Variants in GRIK2 observed in about 807,000 individuals in gnomAD.
GRIK2 encodes the protein glutamate receptor ionotropic, kainate 2.
Under a neutral mutation model 100.3 loss-of-function variants are expected in GRIK2, and 32 were observed. That is an observed-to-expected ratio of 0.32 (90% CI 0.24 to 0.43). The LOEUF (loss-of-function observed/expected upper bound fraction) is 0.43, where lower values mean the gene tolerates loss of function less well. Ranked by LOEUF, GRIK2 falls within the 20% of genes least tolerant of loss-of-function variation. The pLI is 1.00. For synonymous variants in GRIK2, 417 were observed against 389.4 expected, an observed-to-expected ratio of 1.07 and a Z score of -0.83; for missense variants, 843 against 1,114.9, an observed-to-expected ratio of 0.76 and a Z score of 3.47.
At chr6:101,712,700 T>C (rs1289124499) in intron 7 of GRIK2, among the ~76,000 whole-genome samples, 2 of 151,782 alleles carry the variant, frequency 1.3e-5, no homozygotes, top group Non-Finnish European at 2.9e-5. Flanking sequence ...TTTATCACCA[T>C]TGAGGGATAC....
At chr6:101,782,925 C>T (rs1165386125) in intron 7 of GRIK2, among the ~76,000 whole-genome samples, 2 of 148,000 alleles carry the variant, frequency 1.4e-5, no homozygotes, top group African/African-American at 5.0e-5. Flanking sequence ...GGTGCGATCT[C>T]AGCTCACTGC....
At chr6:101,886,648 T>C (rs1490453115) in intron 11 of GRIK2, among the ~76,000 whole-genome samples, 1 of 151,930 alleles carries the variant, frequency 6.6e-6, no homozygotes, top group Non-Finnish European at 1.5e-5. Flanking sequence ...TTTACCATTT[T>C]TCAAGAATGC....
chr6:101,741,582 G>A (rs777535985), intron 7 of GRIK2, among the ~76,000 whole-genome samples: 1 of 152,180 alleles, frequency 6.6e-6, no homozygotes, highest in South Asian at 2.1e-4. Context: ...CAGTGGAAAC[G>A]TATGGAAAGT....
intron 2 of GRIK2, among the ~76,000 whole-genome samples, chr6:101,576,862 A>G (rs1777814012): frequency 1.3e-5 from 2 of 151,556 alleles, no homozygotes; most frequent in African/African-American, 4.9e-5. Flanking sequence ...CAAGTACTAG[A>G]GAGACACAAA....
intron 10 of GRIK2, among the ~76,000 whole-genome samples, chr6:101,836,666 T>A (rs1365750011): frequency 0.047 from 5,022 of 106,506 alleles, 134 homozygotes; most frequent in East Asian, 0.069. Context: ...TATATATTTT[T>A]TTTTTTTTTT....
intron 15 of GRIK2, among the ~76,000 whole-genome samples, chr6:102,051,882 T>G (rs1385484987): frequency 1.3e-5 from 2 of 152,208 alleles, no homozygotes; most frequent in Non-Finnish European, 2.9e-5. Context: ...ACATATTTCT[T>G]GAAGGTGACC....
chr6:101,756,022 ATACTAGAGGACTTT>A (rs1777113050), intron 7 of GRIK2, among the ~76,000 whole-genome samples: 1 of 152,130 alleles, frequency 6.6e-6, no homozygotes, highest in African/African-American at 2.4e-5. Context: ...GAAAGGTTTT[ATACTAGAGGACTTT>A]TATAGGTGGT....
At chr6:101,724,850 G>A (rs540570699) in intron 7 of GRIK2, among the ~76,000 whole-genome samples, 172 of 152,022 alleles carry the variant, frequency 1.1e-3, no homozygotes, top group African/African-American at 1.3e-3. Flanking sequence ...GGAGGTTTGA[G>A]GGCTGAAATG....
chr6:101,660,749 T>C (rs755619696), intron 4 of GRIK2, among the ~76,000 whole-genome samples: 8 of 152,184 alleles, frequency 5.3e-5, no homozygotes, highest in Non-Finnish European at 1.2e-4. Context: ...GCAGGTCTTC[T>C]GGAGTTTGCT....
At chr6:102,043,541 G>T (rs1277375347) in intron 15 of GRIK2, among the ~76,000 whole-genome samples, 2 of 151,782 alleles carry the variant, frequency 1.3e-5, no homozygotes, top group African/African-American at 4.8e-5. Context: ...CTTTCATTTA[G>T]CATAATATTC....
intron 4 of GRIK2, among the ~76,000 whole-genome samples, chr6:101,667,575 G>T (rs1215499975): frequency 6.6e-6 from 1 of 152,038 alleles, no homozygotes; most frequent in African/African-American, 2.4e-5. Context: ...GGATTGTAAA[G>T]GTCTGAATTC....
intron 12 of GRIK2, among the ~76,000 whole-genome samples, chr6:101,913,759 A>G (rs1313827696): frequency 6.6e-6 from 1 of 151,486 alleles, no homozygotes; most frequent in East Asian, 1.9e-4. Context: ...CAAAGTAAAG[A>G]GATCTTAATA....
intron 2 of GRIK2, among the ~76,000 whole-genome samples, chr6:101,482,501 A>G (rs1348364318): frequency 6.6e-6 from 1 of 152,150 alleles, no homozygotes; most frequent in African/African-American, 2.4e-5. Context: ...AAAAGCGACA[A>G]GCATTTTTAT....
At chr6:101,709,723 C>A (rs755065336) in intron 7 of GRIK2, among the ~76,000 whole-genome samples, 3 of 151,630 alleles carry the variant, frequency 2.0e-5, no homozygotes, top group Non-Finnish European at 4.4e-5. Context: ...AATAACTGGG[C>A]TTTGCGCGGG....
intron 2 of GRIK2, among the ~76,000 whole-genome samples, chr6:101,544,235 G>A (rs1190515595): frequency 6.6e-6 from 1 of 151,912 alleles, no homozygotes; most frequent in Non-Finnish European, 1.5e-5. Flanking sequence ...AGATCACCCA[G>A]TGGCAATATT....
intron 4 of GRIK2, among the ~76,000 whole-genome samples, chr6:101,668,485 C>T (rs1311110048): frequency 6.6e-6 from 1 of 152,056 alleles, no homozygotes. Context: ...TAAAACATTT[C>T]TGTAGCCCAC....
chr6:101,963,277 G>GTTTTT, intron 14 of GRIK2, among the ~76,000 whole-genome samples: 1 of 59,712 alleles, frequency 1.7e-5, no homozygotes, highest in African/African-American at 6.4e-5. Context: ...ACTTATTTAG[G>GTTTTT]ATTTTTTTTT....
At chr6:101,874,209 C>T (rs1036591841) in intron 11 of GRIK2, among the ~76,000 whole-genome samples, 8 of 151,980 alleles carry the variant, frequency 5.3e-5, no homozygotes, top group African/African-American at 1.7e-4. Flanking sequence ...AGGTTTTCTT[C>T]TAGAGTTTTT....
intron 4 of GRIK2, among the ~76,000 whole-genome samples, chr6:101,664,486 A>T (rs776673998): frequency 6.6e-6 from 1 of 152,244 alleles, no homozygotes; most frequent in African/African-American, 2.4e-5. Flanking sequence ...GCTTCTCACA[A>T]ACTGAAATAT....
Sources: allele counts gnomAD v4.1 joint callset (sites outside exome capture counted in the v4.1 genomes callset), GRCh38; gene constraint gnomAD v4.1.1; transcripts MANE v1.5; gene names NCBI Gene and HGNC (gene_info 2026-07-23, HGNC 2026-07-21).